The following TDRD12 variants were observed in gnomAD, a reference collection of about 807,000 sequenced individuals.
TDRD12 encodes the protein tudor domain containing 12.
Under a neutral mutation model 133.5 loss-of-function variants are expected in TDRD12, and 158 were observed. The observed-to-expected ratio is 1.18, with a 90% confidence interval of 1.04 to 1.35. The LOEUF (loss-of-function observed/expected upper bound fraction) is 1.35. Ranked by LOEUF, TDRD12 falls within the 40% of genes most tolerant of loss-of-function variation. The pLI is 0.00. For missense variants in TDRD12, 1,443 were observed against 1,321.3 expected (o/e 1.09, Z -1.43); for synonymous variants, 460 against 477.9 (o/e 0.96, Z 0.49).
intron 8 of TDRD12, among the ~76,000 whole-genome samples, chr19:32,765,528 G>A (rs1455879896): frequency 1.3e-5 from 2 of 152,142 alleles, no homozygotes; most frequent in South Asian, 2.1e-4. Flanking sequence ...AGAAAATGTG[G>A]CACATATACA....
At chr19:32,811,090 A>G (rs1330627712) in intron 23 of TDRD12, 120 bp from the exon 24 acceptor site, 2 of 746,884 alleles carry the variant, frequency 2.7e-6, no homozygotes, top group African/African-American at 1.8e-5. Context: ...TATTTCTAGT[A>G]TAGAGTAAAA....
chr19:32,788,126 T>C (rs1392857832), intron 11 of TDRD12, among the ~76,000 whole-genome samples: 6 of 152,090 alleles, frequency 3.9e-5, no homozygotes. Context: ...TTTTTTTCTT[T>C]TTTTTTGTTT....
exon 21 of TDRD12, chr19:32,803,107 T>G (rs1971449374): frequency 6.5e-7 from 1 of 1,533,374 alleles, no homozygotes; most frequent in Non-Finnish European, 8.7e-7. Context: ...CCGGAAGGCC[T>G]CTTTGTCCAT....
intron 27 of TDRD12, among the ~76,000 whole-genome samples, chr19:32,820,534 G>A (rs1275063185): frequency 6.6e-6 from 1 of 152,186 alleles, no homozygotes; most frequent in Non-Finnish European, 1.5e-5. Flanking sequence ...ATATGGGGCA[G>A]CACGTTGAAT....
intron 13 of TDRD12, among the ~76,000 whole-genome samples, chr19:32,792,951 G>A (rs1277064326): frequency 6.6e-6 from 1 of 152,182 alleles, no homozygotes; most frequent in Non-Finnish European, 1.5e-5. Flanking sequence ...ACTTTGGGAG[G>A]CTGAGGCGCA....
intron 25 of TDRD12, 135 bp from the exon 26 acceptor site, chr19:32,815,313 G>A: frequency 1.4e-6 from 1 of 693,558 alleles, no homozygotes; most frequent in Non-Finnish European, 2.4e-6. Flanking sequence ...GGAAAGCCCT[G>A]CACGTTGTGG....
intron 14 of TDRD12, among the ~76,000 whole-genome samples, chr19:32,795,864 G>A (rs1568483135): frequency 6.6e-6 from 1 of 152,200 alleles, no homozygotes; most frequent in South Asian, 2.1e-4. Context: ...AGCAGGGGAG[G>A]TGCCACATAC....
In TDRD12 at chr19:32,774,118, G is replaced by A. The variant is rs1447175486; in HGVS notation, c.1040+586G>A. On this transcript the variant is annotated intron_variant, in intron 10 of 27. Transcript: ENST00000444215. The stretch of plus-strand genomic sequence containing the variant: ...CCTCTTCAAGATACATGTCAGTGAC[G>A]TTAACAAAATTGCAGAAAGGATGTA... Among the ~76,000 whole-genome samples, 9 of 152,200 alleles carry A rather than the reference G, an allele frequency of 5.9e-5. No individual in the cohort carries two copies. In the East Asian group the frequency reaches 1.3e-3, roughly 23 times the overall value.
downstream of TDRD12, among the ~76,000 whole-genome samples, chr19:32,822,891 CT>C (rs1221862617): frequency 6.6e-6 from 1 of 152,192 alleles, no homozygotes; most frequent in Non-Finnish European, 1.5e-5. Context: ...TATTCACTGT[CT>C]TTATGAAATG....
chr19:32,751,437 G>T (rs1336823668), intron 6 of TDRD12, among the ~76,000 whole-genome samples: 2 of 152,024 alleles, frequency 1.3e-5, no homozygotes, highest in African/African-American at 4.8e-5. Flanking sequence ...ATCTTGTGGG[G>T]GCCTACTTTG....
chr19:32,742,896 A>G (rs1969476618), exon 4 of TDRD12: 2 of 1,551,398 alleles, frequency 1.3e-6, no homozygotes, highest in African/African-American at 1.4e-5. Flanking sequence ...CAGTACTGAC[A>G]TTGTGTAAGT....
chr19:32,774,539 A>G (rs148945214), intron 10 of TDRD12, among the ~76,000 whole-genome samples: 16 of 151,962 alleles, frequency 1.1e-4, no homozygotes, highest in African/African-American at 3.9e-4. Context: ...CTAGGTTGAC[A>G]GCACTTTATT....
chr19:32,791,038 C>G, exon 13 of TDRD12: 4 of 1,536,252 alleles, frequency 2.6e-6, no homozygotes, highest in African/African-American at 2.7e-5. Context: ...TAACCATTGA[C>G]TCGTCGCCGC....
exon 13 of TDRD12, chr19:32,791,031 C>T: frequency 6.5e-7 from 1 of 1,536,250 alleles, no homozygotes; most frequent in Non-Finnish European, 8.7e-7. Flanking sequence ...CCCTGCTTAA[C>T]CATTGACTCG....
intron 15 of TDRD12, among the ~76,000 whole-genome samples, 154 bp from the exon 16 acceptor site, chr19:32,798,150 CTGTT>C (rs940001178): frequency 3.3e-5 from 5 of 152,208 alleles, no homozygotes; most frequent in African/African-American, 1.2e-4. Context: ...AACACTTAAA[CTGTT>C]TGTTAGATGC....
chr19:32,748,666 G>T (rs1170036044), intron 5 of TDRD12, 135 bp downstream of exon 5: 1 of 763,254 alleles, frequency 1.3e-6, no homozygotes, highest in Non-Finnish European at 2.0e-6. Flanking sequence ...TAAGCTACCT[G>T]GGGCTTCCTC....
At chr19:32,731,787 T>C (rs776748217) in exon 2 of TDRD12, 4 of 1,551,218 alleles carry the variant, frequency 2.6e-6, no homozygotes, top group East Asian at 4.9e-5. Flanking sequence ...TAGATCATGA[T>C]GTCGATTATC....
chr19:32,807,547 A>C lies in TDRD12; in HGVS notation c.2553-2A>C. ...TGATAAGTCTAGTCATTTCATTTTCAGAGACAAAAGGATCTGTCCTGACCG... is the reference window on the plus strand; with the variant it reads ...TGATAAGTCTAGTCATTTCATTTTCCGAGACAAAAGGATCTGTCCTGACCG... On this transcript the variant is annotated splice_acceptor_variant, in intron 21 of 27. Coordinates refer to ENST00000444215, the Ensembl canonical transcript of TDRD12. LOFTEE classifies it high-confidence loss of function. 8.6e-6 allele frequency: 13 copies of C among 1,507,844 alleles called. No homozygotes were observed. The highest frequency in any genetic ancestry group is 1.1e-5 in the Non-Finnish European group (13 of 1,138,360). 93.4% of individuals were successfully genotyped at this position (1,507,844 alleles called of 1,614,324 possible). A position where few individuals can be genotyped will look rare whatever the true frequency, so the allele number is the denominator to read the frequency against.
At chr19:32,823,857 G>T (rs1213203399), downstream of TDRD12, among the ~76,000 whole-genome samples, 1 of 152,224 alleles carries the variant, frequency 6.6e-6, no homozygotes, top group Non-Finnish European at 1.5e-5. Context: ...GCTGAAGAGG[G>T]TCTGCACTGT....
Sources: allele counts gnomAD v4.1 joint callset (sites outside exome capture counted in the v4.1 genomes callset), GRCh38; gene constraint gnomAD v4.1.1; transcripts MANE v1.5; gene names NCBI Gene and HGNC (gene_info 2026-07-23, HGNC 2026-07-21).